GLIS1: variants seen among roughly 807,000 people sequenced by gnomAD.
The protein encoded by GLIS1 is GLIS family zinc finger 1.
A neutral mutation model predicts 63.8 loss-of-function variants in GLIS1; 24 were observed. The ratio of observed to expected loss-of-function variants is 0.38; its 90% CI spans 0.27 to 0.53. The LOEUF is 0.53. Among genes scored for constraint, GLIS1 ranks in the 20% least tolerant of loss-of-function variants. The pLI, the probability that GLIS1 is intolerant of heterozygous loss-of-function variation, is 0.85. For synonymous variants in GLIS1, 450 were observed against 482.5 expected (o/e 0.93, Z 0.88); for missense variants, 1,036 against 1,074.1 (o/e 0.96, Z 0.50).
intron 2 of GLIS1, among the ~76,000 whole-genome samples, chr1:53,660,153 G>A (rs567890781): frequency 2.0e-5 from 3 of 152,294 alleles, no homozygotes; most frequent in Non-Finnish European, 4.4e-5. Flanking sequence ...ACACCTCAAT[G>A]GGGGAACATC....
chr1:53,552,807 A>T (rs1005968234), intron 4 of GLIS1, among the ~76,000 whole-genome samples: 3 of 152,162 alleles, frequency 2.0e-5, no homozygotes, highest in Non-Finnish European at 4.4e-5. Flanking sequence ...TATTTTTGTC[A>T]TCGGCCCTGG....
intron 8 of GLIS1, among the ~76,000 whole-genome samples, chr1:53,513,202 G>A (rs919092738): frequency 4.0e-5 from 6 of 151,858 alleles, no homozygotes; most frequent in East Asian, 1.9e-4. Flanking sequence ...TCCTACTCCC[G>A]CTGCCTCCAG....
chr1:53,589,039 T>C (rs1199685770), intron 4 of GLIS1, among the ~76,000 whole-genome samples: 2 of 152,166 alleles, frequency 1.3e-5, no homozygotes, highest in African/African-American at 2.4e-5. Context: ...GCAGATATGG[T>C]TGGTATCTAC....
At chr1:53,709,181 C>T (rs1043985213) in intron 2 of GLIS1, among the ~76,000 whole-genome samples, 1 of 151,918 alleles carries the variant, frequency 6.6e-6, no homozygotes, top group Non-Finnish European at 1.5e-5. Flanking sequence ...AAGTCAGAGA[C>T]GGAAGGGACT....
At chr1:53,710,822 C>A (rs1007090523) in intron 2 of GLIS1, among the ~76,000 whole-genome samples, 1 of 152,220 alleles carries the variant, frequency 6.6e-6, no homozygotes, top group Non-Finnish European at 1.5e-5. Flanking sequence ...CACCCTCCCA[C>A]GCATGTGAAT....
intron 7 of GLIS1, among the ~76,000 whole-genome samples, chr1:53,520,327 TG>T (rs909138033): frequency 6.6e-6 from 1 of 152,032 alleles, no homozygotes; most frequent in African/African-American, 2.4e-5. Flanking sequence ...AGGCAAGAGC[TG>T]CCAGGAGGAC....
chr1:53,509,144 G>A lies in GLIS1; in HGVS notation c.2206C>T (p.Leu736Phe), dbSNP rs149886396. The stretch of plus-strand genomic sequence containing the variant: ...CCTGTGGCAGGCAAGGGCGTGCTGA[G>A]GCTGTGGTAGCCATTGGGCCGCAGG... ...NPLRPNGYHS[L>F]STPLPATGYE... Residue 736 changes from leucine (L) to phenylalanine (F), a missense_variant, in exon 10 of 11, where the codon CTC (leucine) becomes TTC (phenylalanine). By Grantham distance (22) the Leu-to-Phe change is conservative. Around this residue, in one of 3 missense-constraint regions of GLIS1, gnomAD observed 400 missense variants for 400.9 expected, o/e 1.00. Transcript: ENST00000628545. 7.5e-6 allele frequency: 12 copies of A among 1,590,184 alleles called. No homozygotes were observed. The African/African-American group carries it at 1.6e-4, about 21-fold the overall frequency.
Position 53,594,343 on chromosome 1 carries a change from G to C in GLIS1, c.1085C>G (p.Ala362Gly), listed in dbSNP as rs35227000. The C allele has an allele frequency of 0.31, 494,053 of 1,610,450 alleles. 79,489 individuals carry two copies. The highest frequency in any genetic ancestry group is 0.37 in the Middle Eastern group (2,229 of 6,048). ...CTGCCGCCCGGCCACCACCCTGCCT[G>C]CCAGGCCCAGCCCCAGGCCTCCAAG... ...PSLGGLGLGL[A>G]GRVVAGRQAC... Residue 362 changes from alanine to glycine, a missense_variant, in exon 4 of 11, where the codon GCA (alanine) becomes GGA (glycine). Ala to Gly is a moderately conservative substitution (Grantham distance 60, BLOSUM62 0). Transcript: ENST00000628545.
At chr1:53,605,819 C>T (rs1373921606) in intron 2 of GLIS1, among the ~76,000 whole-genome samples, 1 of 152,256 alleles carries the variant, frequency 6.6e-6, no homozygotes, top group African/African-American at 2.4e-5. Context: ...GGCATGTGCC[C>T]TCTCATTCCC....
rs374768472 is a variant in GLIS1, at chr1:53,512,642, T to C, written c.1883+1983A>G. 3.3e-5 allele frequency among the ~76,000 whole-genome samples: 5 copies of C among 152,232 alleles called. No homozygotes were observed. The East Asian group carries it at 5.8e-4, about 18-fold the overall frequency. The stretch of plus-strand genomic sequence containing the variant: ...GGCCTGGTGTCAGGCACGAGGACGC[T>C]TCTCTCCTGCAGCTGGACCCGAGGC... On this transcript the variant is annotated intron_variant, in intron 8 of 10. Coordinates refer to ENST00000628545, the MANE Select transcript of GLIS1 (RefSeq NM_001367484.1).
intron 2 of GLIS1, among the ~76,000 whole-genome samples, chr1:53,632,224 CTGAG>C (rs1048432632): frequency 1.7e-4 from 21 of 125,424 alleles, no homozygotes; most frequent in East Asian, 2.6e-4. Context: ...GGGCGTGTGA[CTGAG>C]TGTGACTGAG....
intron 2 of GLIS1, among the ~76,000 whole-genome samples, chr1:53,705,743 G>A (rs894666264): frequency 1.6e-4 from 25 of 152,202 alleles, no homozygotes; most frequent in African/African-American, 6.0e-4. Flanking sequence ...GAAGGGAGGT[G>A]AGGGGAGCCT....
intron 6 of GLIS1, among the ~76,000 whole-genome samples, chr1:53,521,418 G>C (rs892351521): frequency 2.6e-5 from 4 of 152,160 alleles, no homozygotes; most frequent in African/African-American, 9.7e-5. Flanking sequence ...GGGATGAAGA[G>C]CTGGGCTCGG....
intron 2 of GLIS1, among the ~76,000 whole-genome samples, chr1:53,721,237 A>T (rs1646750955): frequency 6.6e-6 from 1 of 152,186 alleles, no homozygotes; most frequent in South Asian, 2.1e-4. Flanking sequence ...AGGAGCAGAA[A>T]TCTTATTTAG....
rs568906435 is a variant in GLIS1, at chr1:53,606,152, T to C, written c.260-5874A>G. Reference sequence around the variant, plus strand: ...GGTAATGTACATGGAGTCTCTGGCATGGTGCCTGGCACAGGCAGCACTTTG... The same window carrying C: ...GGTAATGTACATGGAGTCTCTGGCACGGTGCCTGGCACAGGCAGCACTTTG... On this transcript the variant is annotated intron_variant, in intron 2 of 10. Coordinates refer to ENST00000628545, the MANE Select transcript of GLIS1 (RefSeq NM_001367484.1). Among the ~76,000 whole-genome samples the C allele has an allele frequency of 2.1e-3, 321 of 152,358 alleles. 2 individuals are homozygous for C. Among genetic ancestry groups the C allele is most frequent in the African/African-American group, 7.3e-3 (304 of 41,588 alleles).
intron 4 of GLIS1, among the ~76,000 whole-genome samples, chr1:53,573,378 C>T (rs1300467491): frequency 6.6e-6 from 1 of 152,106 alleles, no homozygotes; most frequent in African/African-American, 2.4e-5. Flanking sequence ...CCACCCCCTC[C>T]AATTTATGTC....
At chr1:53,600,894 C>T (rs1017070050) in intron 2 of GLIS1, among the ~76,000 whole-genome samples, 13 of 152,240 alleles carry the variant, frequency 8.5e-5, no homozygotes, top group African/African-American at 3.1e-4. Flanking sequence ...CTGCCTCATG[C>T]CCTGCCTCGC....
intron 2 of GLIS1, among the ~76,000 whole-genome samples, chr1:53,632,938 CAT>C (rs1645678090): frequency 9.2e-6 from 1 of 108,810 alleles, no homozygotes; most frequent in Non-Finnish European, 1.8e-5. Context: ...GACTGAGGGG[CAT>C]GTGAATGTGA....
chr1:53,596,575 C>A (rs908692543), intron 3 of GLIS1, among the ~76,000 whole-genome samples: 3 of 152,158 alleles, frequency 2.0e-5, no homozygotes, highest in Non-Finnish European at 2.9e-5. Context: ...AAGGGGATGG[C>A]AGGGTGAGGG....
Sources: gnomAD v4.1 joint callset for allele counts (sites outside exome capture counted in the v4.1 genomes callset) on GRCh38, gnomAD v4.1.1 for gene constraint, gnomAD v4.1.1 regional missense constraint, MANE v1.5 for transcripts, NCBI Gene and HGNC (gene_info 2026-07-23, HGNC 2026-07-21) for gene names.